UNC79: variants seen among roughly 807,000 people sequenced by gnomAD.
The protein encoded by UNC79 is protein unc-79 homolog.
UNC79 carries 37 observed loss-of-function variants against 283.1 expected under a neutral mutation model. That is an observed-to-expected ratio of 0.13 (90% CI 0.10 to 0.17). UNC79 has a LOEUF of 0.17. UNC79 is among the 10% of genes least tolerant of loss of function. The probability of loss-of-function intolerance (pLI) is 1.00; values close to 1 mark genes in which losing one functional copy is unlikely to be tolerated. For missense variants in UNC79, 2,272 were observed against 3,211.1 expected, an observed-to-expected ratio of 0.71 and a Z score of 7.07; for synonymous variants, 1,107 against 1,200.2, an observed-to-expected ratio of 0.92 and a Z score of 1.61.
intron 10 of UNC79, among the ~76,000 whole-genome samples, chr14:93,530,955 AC>A (rs1453013504): frequency 6.6e-6 from 1 of 151,968 alleles, no homozygotes; most frequent in African/African-American, 2.4e-5. Context: ...ACAACAAAAA[AC>A]CTGTAAAAAG....
At chr14:93,365,466 T>C (rs2054310555) in intron 1 of UNC79, among the ~76,000 whole-genome samples, 1 of 149,024 alleles carries the variant, frequency 6.7e-6, no homozygotes, top group Non-Finnish European at 1.5e-5. Flanking sequence ...AAAAAAGAAG[T>C]ACCAAACTCA....
intron 30 of UNC79, among the ~76,000 whole-genome samples, chr14:93,624,953 G>A (rs74073841): frequency 0.019 from 2,878 of 152,256 alleles, 107 homozygotes; most frequent in African/African-American, 0.066. Context: ...CTCTGTTTAC[G>A]TCAGTCCCTA....
At chr14:93,403,865 C>A (rs1441616883) in intron 1 of UNC79, among the ~76,000 whole-genome samples, 3 of 149,786 alleles carry the variant, frequency 2.0e-5, no homozygotes, top group Non-Finnish European at 3.0e-5. Flanking sequence ...AGACTTTGAG[C>A]TAGACTCTTT....
At chr14:93,361,711 T>C (rs928541098) in intron 1 of UNC79, among the ~76,000 whole-genome samples, 3 of 152,148 alleles carry the variant, frequency 2.0e-5, no homozygotes, top group African/African-American at 7.2e-5. Context: ...TTGCTCTGGC[T>C]AGGACTTCCA....
chr14:93,659,366 T>G, intron 39 of UNC79, 105 bp downstream of exon 42: 1 of 881,812 alleles, frequency 1.1e-6, no homozygotes, highest in Non-Finnish European at 1.7e-6. Context: ...GCATACTGAA[T>G]GCTTCCCTTT....
intron 1 of UNC79, among the ~76,000 whole-genome samples, chr14:93,355,058 C>T (rs546090260): frequency 5.5e-5 from 8 of 145,518 alleles, no homozygotes; most frequent in Middle Eastern, 3.6e-3. Context: ...GACAGAGTTT[C>T]GCTCTTATCA....
intron 14 of UNC79, among the ~76,000 whole-genome samples, chr14:93,542,993 C>T (rs1315382758): frequency 3.3e-5 from 5 of 149,978 alleles, no homozygotes; most frequent in Non-Finnish European, 5.9e-5. Context: ...TGCTATGTCG[C>T]CCAGGCTGGC....
upstream of UNC79, among the ~76,000 whole-genome samples, chr14:93,427,039 TA>T (rs1481704284): frequency 6.6e-6 from 1 of 152,198 alleles, no homozygotes; most frequent in Admixed American, 6.5e-5. Context: ...ATATAAACTA[TA>T]AACTATCAGT....
intron 35 of UNC79, among the ~76,000 whole-genome samples, chr14:93,648,183 C>A (rs2069841523): frequency 6.6e-6 from 1 of 152,220 alleles, no homozygotes; most frequent in African/African-American, 2.4e-5. Flanking sequence ...CTCTGAAGAT[C>A]TGCTGTATGG....
intron 1 of UNC79, among the ~76,000 whole-genome samples, chr14:93,409,590 A>G (rs2055294775): frequency 1.3e-5 from 2 of 152,130 alleles, no homozygotes; most frequent in African/African-American, 4.8e-5. Context: ...GTTACTTTTG[A>G]GGTAGAAGGA....
intron 1 of UNC79, among the ~76,000 whole-genome samples, chr14:93,408,763 C>T (rs138968728): frequency 0.014 from 2,059 of 152,154 alleles, 57 homozygotes; most frequent in African/African-American, 0.048. Flanking sequence ...ACAAATGTAC[C>T]ACATTAAAGC....
chr14:93,539,382 G>T (rs1346418819), intron 12 of UNC79, among the ~76,000 whole-genome samples: 2 of 151,342 alleles, frequency 1.3e-5, no homozygotes, highest in Non-Finnish European at 2.9e-5. Context: ...TTAGCTGGGC[G>T]TGTTGGCGCC....
At chr14:93,449,537 G>A (rs74072893) in intron 1 of UNC79, among the ~76,000 whole-genome samples, 13,158 of 151,730 alleles carry the variant, frequency 0.087, 632 homozygotes, top group African/African-American at 0.12. Context: ...AGGATCCCTT[G>A]AGGCCAGGAG....
At chr14:93,686,753 T>TCCCCA in intron 43 of UNC79, 92 bp downstream of exon 46, 1 of 1,414,108 alleles carries the variant, frequency 7.1e-7, no homozygotes, top group Non-Finnish European at 9.8e-7. Context: ...TATCGCTACC[T>TCCCCA]GGGGAGGCAG....
intron 14 of UNC79, among the ~76,000 whole-genome samples, chr14:93,571,107 C>A (rs973263155): frequency 6.6e-6 from 1 of 152,130 alleles, no homozygotes; most frequent in African/African-American, 2.4e-5. Context: ...TTGGAATAAT[C>A]TGGAATTCTA....
exon 36 of UNC79, chr14:93,653,846 C>T (rs139549696): frequency 1.3e-5 from 21 of 1,613,990 alleles, no homozygotes; most frequent in East Asian, 2.2e-5. Context: ...TTCCAAAGCA[C>T]GATCAAAGGT....
chr14:93,617,380 G>A lies in UNC79; in HGVS notation c.4224+76G>A, dbSNP rs192430050. ...CATATAGCATTAGGAGAACACCTGA[G>A]TCTTTAGTTGAAAATTTTGTAGAAG... On this transcript the variant is annotated intron_variant, in intron 28 of 48. Transcript: ENST00000555664. The surrounding 1 kb of genome is among the most constrained non-coding windows in gnomAD (Gnocchi z 4.5). The A allele has an allele frequency of 6.9e-7, 1 of 1,445,450 alleles. No individual in the cohort carries two copies. The highest frequency in any genetic ancestry group is 1.4e-5 in the African/African-American group (1 of 70,286). The allele number at this position is 1,445,450 out of a possible 1,614,324, so 89.5% of individuals were successfully genotyped here.
chr14:93,500,767 T>C (rs1190481794), intron 7 of UNC79, among the ~76,000 whole-genome samples: 1 of 152,212 alleles, frequency 6.6e-6, no homozygotes, highest in Non-Finnish European at 1.5e-5. Context: ...GCCCCACATT[T>C]TTCTACTTTA....
chr14:93,435,279 T>C (rs940928575), intron 1 of UNC79, among the ~76,000 whole-genome samples: 2 of 152,246 alleles, frequency 1.3e-5, no homozygotes, highest in Non-Finnish European at 2.9e-5. Flanking sequence ...AGCTTTTAGC[T>C]CTCGTCTTAC....
Sources: allele counts gnomAD v4.1 joint callset (sites outside exome capture counted in the v4.1 genomes callset), GRCh38; gene constraint gnomAD v4.1.1; non-coding constraint Gnocchi (gnomAD v3.1); transcripts MANE v1.5; gene names NCBI Gene and HGNC (gene_info 2026-07-23, HGNC 2026-07-21).